The following ATP13A4 variants were observed in gnomAD, a reference collection of about 807,000 sequenced individuals.
The protein encoded by ATP13A4 is ATPase 13A4, also known as probable cation-transporting ATPase 13A4.
In ATP13A4, 114 loss-of-function variants were observed where a neutral mutation model predicts 142.5. The ratio of observed to expected loss-of-function variants is 0.80; its 90% CI spans 0.69 to 0.93. The LOEUF is 0.93. Among genes scored for constraint, ATP13A4 ranks in the 40% least tolerant of loss-of-function variants. The pLI is 0.00. For missense variants in ATP13A4, 1,392 were observed against 1,454.0 expected, an observed-to-expected ratio of 0.96 and a Z score of 0.69; for synonymous variants, 488 against 514.8, an observed-to-expected ratio of 0.95 and a Z score of 0.70.
In ATP13A4 at chr3:193,439,043, C is replaced by T. The variant is rs1313425330; in HGVS notation, c.2542G>A (p.Asp848Asn). Residue 848 changes from aspartate (D) to asparagine (N), a missense_variant, in exon 22 of 30, where the codon GAT (aspartate) becomes AAT (asparagine). By Grantham distance (23) the Asp-to-Asn change is conservative. Transcript: ENST00000342695. ...CTTACCCCACAGTCATTGGCTCCAT[C>T]ACCACACATACCTACAAAGTAACTA... ...KLDYFVGMCG[D>N]GANDCGALKM... 6.2e-7 allele frequency: 1 copy of T among 1,609,766 alleles called. No homozygotes were observed. Among genetic ancestry groups the T allele is most frequent in the East Asian group, 2.2e-5 (1 of 44,860 alleles).
intron 25 of ATP13A4, among the ~76,000 whole-genome samples, chr3:193,416,380 A>G (rs1022315262): frequency 2.0e-5 from 3 of 152,242 alleles, no homozygotes; most frequent in Non-Finnish European, 2.9e-5. Flanking sequence ...TAAAGACTTT[A>G]AAACAACTAT....
At chr3:193,554,647 TGCGTGC>T (rs1723789314) in intron 1 of ATP13A4, 87 bp downstream of exon 1, 3 of 1,351,080 alleles carry the variant, frequency 2.2e-6, no homozygotes, top group African/African-American at 2.2e-5. Flanking sequence ...GTGTGTGTGA[TGCGTGC>T]GTGTGTGTGT....
chr3:193,406,966 A>G (rs1437262221), intron 29 of ATP13A4, among the ~76,000 whole-genome samples: 1 of 152,156 alleles, frequency 6.6e-6, no homozygotes, highest in Non-Finnish European at 1.5e-5. Context: ...TGCACTAAAC[A>G]CTACTGAATT....
At chr3:193,452,527 T>C (rs1393238338) in intron 17 of ATP13A4, among the ~76,000 whole-genome samples, 1 of 150,938 alleles carries the variant, frequency 6.6e-6, no homozygotes, top group Admixed American at 6.6e-5. Flanking sequence ...CAGCAGTCCT[T>C]CTAAGCAGAA....
intron 25 of ATP13A4, chr3:193,417,049 C>A (rs1715100487): frequency 6.6e-6 from 1 of 152,002 alleles, no homozygotes; most frequent in South Asian, 2.1e-4. Context: ...ACCATGGAAG[C>A]CAGAAGTCAA....
chr3:193,498,468 C>T (rs527712166), intron 3 of ATP13A4, among the ~76,000 whole-genome samples: 1 of 152,188 alleles, frequency 6.6e-6, no homozygotes, highest in South Asian at 2.1e-4. Flanking sequence ...TGTGAATTTC[C>T]GTGAACTGAT....
chr3:193,478,113 T>C (rs12632609), intron 8 of ATP13A4, among the ~76,000 whole-genome samples: 3,493 of 152,100 alleles, frequency 0.023, 74 homozygotes, highest in South Asian at 0.038. Flanking sequence ...AATGTATCTA[T>C]AGGTTCAACA....
chr3:193,538,614 A>C lies in ATP13A4; in HGVS notation c.60+16126T>G, dbSNP rs1048625372. 2.8e-4 allele frequency among the ~76,000 whole-genome samples: 42 copies of C among 151,974 alleles called. 2 individuals carry two copies. The highest frequency in any genetic ancestry group is 2.1e-4 in the South Asian group (1 of 4,828). ...AATGCCACTCAGCCCAGGCCCTTTC[A>C]GCACTTGTGGATGAAAGCACTTGGA... is the stretch of plus-strand genomic sequence containing the variant. On this transcript the variant is annotated intron_variant, in intron 1 of 29. Coordinates refer to ENST00000342695, the MANE Select transcript of ATP13A4 (RefSeq NM_032279.4).
In ATP13A4 at chr3:193,423,433, T is replaced by A. The variant is rs1187391667; in HGVS notation, c.2843-8683A>T. On this transcript the variant is annotated intron_variant, in intron 25 of 29. Transcript: ENST00000342695. ...TAGTAAATATAGATGTAAAAAAAAA[T>A]CCTCAGCAAAATACTAGCAAACTGA... is the stretch of plus-strand genomic sequence containing the variant. Among the ~76,000 whole-genome samples, 4 of 148,858 alleles carry A rather than the reference T, an allele frequency of 2.7e-5. 1 individual carries two copies. Among genetic ancestry groups the A allele is most frequent in the Non-Finnish European group, 5.9e-5 (4 of 67,376 alleles).
rs780722153 is a variant in ATP13A4, at chr3:193,457,121, C to G, written c.1794G>C (p.Gln598His). The change falls in exon 16 of 30, where the codon CAG (glutamine) becomes CAC (histidine). Residue 598 changes from glutamine (Q) to histidine (H), a missense_variant. Coordinates refer to ENST00000342695, the MANE Select transcript of ATP13A4 (RefSeq NM_032279.4). ...VPVEGIAILH[Q>H]FPFSSALQRM... ...TTTGCAGTGCCGATGAGAATGGGAA[C>G]TGATGCAGGATTGCAATTCCTTCCA... 1 of 1,613,446 alleles carries G rather than the reference C, an allele frequency of 6.2e-7. No individual in the cohort carries two copies. The highest frequency in any genetic ancestry group is 1.7e-5 in the Admixed American group (1 of 60,028).
chr3:193,418,515 G>C (rs947819520), intron 25 of ATP13A4, among the ~76,000 whole-genome samples: 1 of 149,262 alleles, frequency 6.7e-6, no homozygotes, highest in African/African-American at 2.5e-5. Flanking sequence ...GCCACATACT[G>C]GTTTCTATTA....
At chr3:193,424,306 T>C (rs1715546502) in intron 25 of ATP13A4, among the ~76,000 whole-genome samples, 1 of 114,452 alleles carries the variant, frequency 8.7e-6, no homozygotes, top group Non-Finnish European at 1.8e-5. Flanking sequence ...ACCAAAGAAA[T>C]TTTTCACAGA....
intron 11 of ATP13A4, among the ~76,000 whole-genome samples, 155 bp from the exon 12 acceptor site, chr3:193,465,283 G>T (rs1320786021): frequency 1.3e-5 from 2 of 152,144 alleles, no homozygotes; most frequent in South Asian, 2.1e-4. Flanking sequence ...CACCTCCCGG[G>T]TTCAAGCGAT....
chr3:193,570,811 A>G (rs1443779876), intron 2 of ATP13A4, among the ~76,000 whole-genome samples: 1 of 152,206 alleles, frequency 6.6e-6, no homozygotes, highest in African/African-American at 2.4e-5. Context: ...GGCTCATCAT[A>G]TGGGACCAAA....
intron 2 of ATP13A4, among the ~76,000 whole-genome samples, chr3:193,505,027 C>T (rs1720782670): frequency 6.6e-6 from 1 of 152,092 alleles, no homozygotes. Context: ...GAAAACTAAC[C>T]ACCAGCAAGG....
intron 14 of ATP13A4, chr3:193,458,475 T>C (rs1331393864): frequency 6.4e-6 from 1 of 157,478 alleles, no homozygotes; most frequent in Non-Finnish European, 1.4e-5. Context: ...GATAGCTTAA[T>C]GGGATTCAGC....
At chr3:193,509,083 A>C (rs375147521) in intron 2 of ATP13A4, among the ~76,000 whole-genome samples, 2 of 152,148 alleles carry the variant, frequency 1.3e-5, no homozygotes, top group East Asian at 3.8e-4. Context: ...AGTGAGAAAA[A>C]AAAGATTCGG....
chr3:193,585,491 A>ATT (rs35279776), intron 1 of ATP13A4, among the ~76,000 whole-genome samples: 90 of 150,448 alleles, frequency 6.0e-4, no homozygotes, highest in African/African-American at 1.9e-3. Context: ...GTTTTTTGCA[A>ATT]TTTTTTTTTT....
Position 193,402,846 on chromosome 3 carries a change from G to A in ATP13A4, c.3397C>T (p.Arg1133Ter), listed in dbSNP as rs376273972. The change falls in exon 30 of 30, where the codon CGA becomes TGA. Residue 1133 changes from arginine to a stop codon, truncating the protein, a stop_gained. Transcript: ENST00000342695. LOFTEE classifies it high-confidence loss of function. ...LVAEEAVIEN[R>*]ALWMMIKRCF... Reference sequence around the variant, plus strand: ...CTTTTAATCATCATCCACAGGGCTCGATTTTCAATAACAGCCTCCTGCAAA... The same window carrying A: ...CTTTTAATCATCATCCACAGGGCTCAATTTTCAATAACAGCCTCCTGCAAA... 9.3e-6 allele frequency: 15 copies of A among 1,613,930 alleles called. No homozygotes were observed. The African/African-American group carries it at 1.2e-4, about 13-fold the overall frequency.
Sources: gnomAD v4.1 joint callset for allele counts (sites outside exome capture counted in the v4.1 genomes callset) on GRCh38, gnomAD v4.1.1 for gene constraint, MANE v1.5 for transcripts, NCBI Gene and HGNC (gene_info 2026-07-23, HGNC 2026-07-21) for gene names.